CERS3: variants seen among roughly 807,000 people sequenced by gnomAD.
CERS3 encodes the protein ceramide synthase 3.
CERS3 carries 33 observed loss-of-function variants against 50.3 expected under a neutral mutation model. That is an observed-to-expected ratio of 0.66 (90% CI 0.50 to 0.88). The LOEUF is 0.88. Among genes scored for constraint, CERS3 ranks in the 40% least tolerant of loss-of-function variants. CERS3 has a pLI of 0.00. For missense variants in CERS3, 470 were observed against 460.3 expected, an observed-to-expected ratio of 1.02 and a Z score of -0.19; for synonymous variants, 176 against 155.2, an observed-to-expected ratio of 1.13 and a Z score of -0.99.
intron 1 of CERS3, among the ~76,000 whole-genome samples, chr15:100,540,129 A>T (rs917330077): frequency 6.6e-6 from 1 of 151,958 alleles, no homozygotes; most frequent in Non-Finnish European, 1.5e-5. Context: ...CAAACCCAAT[A>T]CTATTGTCCC....
intron 2 of CERS3, among the ~76,000 whole-genome samples, chr15:100,509,083 G>T (rs931004150): frequency 3.3e-5 from 5 of 152,102 alleles, no homozygotes; most frequent in Non-Finnish European, 7.3e-5. Context: ...CCCTATTTTT[G>T]ACTTCAGCTG....
intron 7 of CERS3, among the ~76,000 whole-genome samples, 172 bp from the exon 8 acceptor site, chr15:100,476,350 G>T (rs1435841461): frequency 6.6e-6 from 1 of 152,002 alleles, no homozygotes; most frequent in Admixed American, 6.6e-5. Context: ...ATATTTTAAG[G>T]CATTTTATTT....
chr15:100,515,909 C>T lies in CERS3; in HGVS notation c.-2+5758G>A, dbSNP rs373415433. On this transcript the variant is annotated intron_variant, in intron 2 of 11. Coordinates refer to ENST00000679737, the MANE Select transcript of CERS3 (RefSeq NM_001378789.1). Reference sequence around the variant, plus strand: ...CTTGCTCCTCTTCACTGGCCATCTTCGCGAACTCTCCTCCCTCGCCTGGTG... The same window carrying T: ...CTTGCTCCTCTTCACTGGCCATCTTTGCGAACTCTCCTCCCTCGCCTGGTG... 7.2e-5 allele frequency among the ~76,000 whole-genome samples: 11 copies of T among 152,254 alleles called. No homozygotes were observed. In the South Asian group the frequency reaches 2.1e-3, roughly 29 times the overall value.
At chr15:100,540,268 C>T (rs529254354) in intron 1 of CERS3, among the ~76,000 whole-genome samples, 62 of 152,270 alleles carry the variant, frequency 4.1e-4, no homozygotes, top group Non-Finnish European at 5.7e-4. Flanking sequence ...CTTGTCCAGG[C>T]GCAGTGGCTC....
At chr15:100,486,427 C>T (rs896170856) in intron 4 of CERS3, among the ~76,000 whole-genome samples, 1 of 152,218 alleles carries the variant, frequency 6.6e-6, no homozygotes, top group African/African-American at 2.4e-5. Flanking sequence ...AGAATGTTTG[C>T]TACCCACCTC....
intron 11 of CERS3, among the ~76,000 whole-genome samples, chr15:100,415,889 C>G (rs2031863711): frequency 6.6e-6 from 1 of 152,008 alleles, no homozygotes; most frequent in African/African-American, 2.4e-5. Context: ...CAGCAAACCA[C>G]CATGACACAC....
intron 7 of CERS3, among the ~76,000 whole-genome samples, chr15:100,476,983 A>T (rs2035146860): frequency 6.6e-6 from 1 of 152,214 alleles, no homozygotes; most frequent in Non-Finnish European, 1.5e-5. Context: ...CAAGGTGCTG[A>T]TCGCCAATGC....
At chr15:100,509,163 G>A (rs1243042841) in intron 2 of CERS3, among the ~76,000 whole-genome samples, 1 of 152,130 alleles carries the variant, frequency 6.6e-6, no homozygotes, top group Non-Finnish European at 1.5e-5. Flanking sequence ...AACCTCGTGG[G>A]TATAGAACCC....
intron 11 of CERS3, among the ~76,000 whole-genome samples, chr15:100,406,571 C>G (rs952232329): frequency 6.6e-6 from 1 of 152,112 alleles, no homozygotes; most frequent in Non-Finnish European, 1.5e-5. Flanking sequence ...AATGAACAAG[C>G]CTCCTTGTAA....
At chr15:100,478,926 A>G (rs1299843477) in intron 7 of CERS3, among the ~76,000 whole-genome samples, 2 of 152,144 alleles carry the variant, frequency 1.3e-5, no homozygotes, top group Non-Finnish European at 2.9e-5. Context: ...AAGGTTTTAA[A>G]TATTTGAAGG....
intron 11 of CERS3, among the ~76,000 whole-genome samples, chr15:100,439,954 C>T (rs1172365933): frequency 1.3e-5 from 2 of 152,180 alleles, no homozygotes; most frequent in Non-Finnish European, 2.9e-5. Flanking sequence ...TCAGGCCTGG[C>T]ATGACCCATT....
chr15:100,498,055 A>G (rs552250599), intron 3 of CERS3, among the ~76,000 whole-genome samples: 48 of 151,880 alleles, frequency 3.2e-4, no homozygotes, highest in African/African-American at 1.1e-3. Context: ...CAACACACCC[A>G]GTTAATTTTT....
chr15:100,417,741 G>C lies in CERS3; in HGVS notation c.1000-14876C>G, dbSNP rs546107549. Among the ~76,000 whole-genome samples the C allele has an allele frequency of 4.3e-3, 659 of 151,970 alleles. 14 individuals carry two copies. The highest frequency in any genetic ancestry group is 0.015 in the African/African-American group (601 of 41,254). On this transcript the variant is annotated intron_variant, in intron 11 of 11. Coordinates refer to ENST00000679737, the MANE Select transcript of CERS3 (RefSeq NM_001378789.1). ...GCACGCAGCTGGAGATCTGAGAACG[G>C]GCAGACTGCCTCCTCAAGTAGGTCC...
chr15:100,528,535 G>C (rs944966062), intron 1 of CERS3, among the ~76,000 whole-genome samples: 10 of 152,210 alleles, frequency 6.6e-5, no homozygotes, highest in African/African-American at 2.4e-4. Context: ...GTCAGGAGTG[G>C]AAGTTTGGAC....
At chr15:100,509,910 C>T (rs749863469) in intron 2 of CERS3, among the ~76,000 whole-genome samples, 13 of 151,872 alleles carry the variant, frequency 8.6e-5, no homozygotes, top group Non-Finnish European at 1.3e-4. Flanking sequence ...CTAAAAACAA[C>T]TTCATTTTTA....
intron 5 of CERS3, among the ~76,000 whole-genome samples, chr15:100,480,512 A>G (rs2035265512): frequency 6.6e-6 from 1 of 152,180 alleles, no homozygotes; most frequent in Admixed American, 6.5e-5. Flanking sequence ...CTTTTCTCCT[A>G]AAAGTAGGTT....
chr15:100,403,461 AC>A (rs2030719662), intron 11 of CERS3, among the ~76,000 whole-genome samples: 1 of 152,116 alleles, frequency 6.6e-6, no homozygotes, highest in Admixed American at 6.5e-5. Context: ...AAACCAATAA[AC>A]CCAAAAGCCA....
At chr15:100,467,375 G>A (rs538641813) in intron 10 of CERS3, among the ~76,000 whole-genome samples, 7 of 152,090 alleles carry the variant, frequency 4.6e-5, no homozygotes, top group South Asian at 2.1e-4. Flanking sequence ...GGTAAAATCC[G>A]GCCTGCAACC....
chr15:100,477,162 G>A (rs552138134), intron 7 of CERS3, among the ~76,000 whole-genome samples: 23 of 152,310 alleles, frequency 1.5e-4, no homozygotes, highest in African/African-American at 5.5e-4. Flanking sequence ...GTTGTTTGAA[G>A]GCACTAAGTT....
Sources: allele counts gnomAD v4.1 joint callset (sites outside exome capture counted in the v4.1 genomes callset), GRCh38; gene constraint gnomAD v4.1.1; transcripts MANE v1.5; gene names NCBI Gene and HGNC (gene_info 2026-07-23, HGNC 2026-07-21).